SYNE2: variants seen among roughly 807,000 people sequenced by gnomAD.
SYNE2 encodes the protein spectrin repeat containing nuclear envelope protein 2.
SYNE2 carries 431 observed loss-of-function variants against 856.3 expected under a neutral mutation model. The observed-to-expected ratio is 0.50, with a 90% CI of 0.47 to 0.55. The LOEUF is 0.55. SYNE2 is among the 20% of genes least tolerant of loss of function. The pLI is 0.00. For missense variants in SYNE2, 8,129 were observed against 8,023.2 expected (o/e 1.01, Z -0.50); for synonymous variants, 2,923 against 2,872.3 (o/e 1.02, Z -0.56).
chr14:63,792,806 A>G (rs780585700), intron 1 of SYNE2, among the ~76,000 whole-genome samples: 10 of 151,898 alleles, frequency 6.6e-5, no homozygotes, highest in Non-Finnish European at 1.5e-4. Context: ...CAGCCTCCCA[A>G]GTAGCTAGGA....
chr14:64,176,626 G>A (rs1414949816), intron 95 of SYNE2, among the ~76,000 whole-genome samples: 1 of 152,124 alleles, frequency 6.6e-6, no homozygotes, highest in Non-Finnish European at 1.5e-5. Context: ...GAGTGCTTGT[G>A]TTCTGTGGTG....
chr14:63,769,211 C>G (rs1281237689), intron 1 of SYNE2, among the ~76,000 whole-genome samples: 1 of 152,200 alleles, frequency 6.6e-6, no homozygotes, highest in Non-Finnish European at 1.5e-5. Flanking sequence ...GTTCCAGCAT[C>G]TAGAGATAGG....
rs766968942 is a variant in SYNE2, at chr14:63,978,856, A to G, written c.1411A>G (p.Asn471Asp). 6.2e-7 allele frequency: 1 copy of G among 1,612,074 alleles called. No individual in the cohort carries two copies. Among genetic ancestry groups the G allele is most frequent in the South Asian group, 1.1e-5 (1 of 90,940 alleles). Residue 471 changes from asparagine to aspartate, a missense_variant, in exon 14 of 116, where the codon AAC (asparagine) becomes GAC (aspartate). Transcript: ENST00000555002. ...NKLEEMKRRI[N>D]NILEKKFILL... Reference sequence around the variant, plus strand: ...AAAACCTGCACTGTTTTCCAGAATCAACAACATTTTGGAGAAAAAATTTAT... The same window carrying G: ...AAAACCTGCACTGTTTTCCAGAATCGACAACATTTTGGAGAAAAAATTTAT...
Position 63,948,782 on chromosome 14 carries a change from GTATATATATATATATA to G in SYNE2, c.409-1017_409-1002del, listed in dbSNP as rs3062027. 8.7e-3 allele frequency among the ~76,000 whole-genome samples: 383 copies of G among 43,898 alleles called. 13 individuals are homozygous for G. The highest frequency in any genetic ancestry group is 0.022 in the African/African-American group (274 of 12,426). 28.8% of individuals were successfully genotyped at this position (43,898 alleles called of 152,430 possible). On this transcript the variant is annotated intron_variant, in intron 6 of 115. Transcript: ENST00000555002. ...TATGTATATATATGTATGTGTGTGT[GTATATATATATATATA>G]TATATATATATATATATATATATAT... is the stretch of plus-strand genomic sequence containing the variant.
upstream of SYNE2, among the ~76,000 whole-genome samples, chr14:63,848,828 C>A (rs1566605528): frequency 6.6e-6 from 1 of 152,218 alleles, no homozygotes; most frequent in Non-Finnish European, 1.5e-5. Context: ...CACTGCCCAC[C>A]AGGCTCCACG....
intron 99 of SYNE2, among the ~76,000 whole-genome samples, chr14:64,199,807 T>G (rs1035796160): frequency 2.0e-5 from 3 of 152,174 alleles, no homozygotes; most frequent in Non-Finnish European, 4.4e-5. Flanking sequence ...TATAGATGTT[T>G]TATTTTAATA....
intron 1 of SYNE2, among the ~76,000 whole-genome samples, chr14:63,892,142 C>T (rs914919875): frequency 1.3e-5 from 2 of 152,096 alleles, no homozygotes; most frequent in African/African-American, 4.8e-5. Flanking sequence ...AACAATCCTT[C>T]ATCAGTGGGA....
chr14:64,160,904 A>G (rs560563036), intron 87 of SYNE2, among the ~76,000 whole-genome samples: 1 of 152,316 alleles, frequency 6.6e-6, no homozygotes, highest in South Asian at 2.1e-4. Flanking sequence ...TATCTTAACT[A>G]TCCATACTAA....
chr14:64,164,087 C>CTTGCTTAT (rs368903265), intron 89 of SYNE2, among the ~76,000 whole-genome samples: 68 of 137,838 alleles, frequency 4.9e-4, no homozygotes, highest in Middle Eastern at 3.6e-3. Context: ...GCCTGGCTTG[C>CTTGCTTAT]TTATTTATTT....
intron 56 of SYNE2, 80 bp downstream of exon 56, chr14:64,080,718 C>T (rs1336113076): frequency 6.5e-7 from 1 of 1,544,892 alleles, no homozygotes; most frequent in Non-Finnish European, 8.9e-7. Flanking sequence ...TATTCAGAAA[C>T]AGTCAGTTTC....
chr14:64,005,296 C>T (rs1303178260), intron 30 of SYNE2, among the ~76,000 whole-genome samples: 3 of 152,152 alleles, frequency 2.0e-5, no homozygotes, highest in Non-Finnish European at 4.4e-5. Context: ...CATGGGAAGT[C>T]TGGTTTGACC....
chr14:64,143,609 A>C (rs890002393), intron 82 of SYNE2, among the ~76,000 whole-genome samples, 163 bp from the exon 83 acceptor site: 39 of 152,166 alleles, frequency 2.6e-4, no homozygotes, highest in African/African-American at 8.9e-4. Context: ...ACTCCAATAA[A>C]GCCAACTCCT....
intron 1 of SYNE2, among the ~76,000 whole-genome samples, chr14:63,816,136 A>T (rs971295443): frequency 6.6e-6 from 1 of 151,870 alleles, no homozygotes; most frequent in African/African-American, 2.4e-5. Context: ...TTTAGTAGAT[A>T]CGGGGTTTCA....
At chr14:63,966,973 C>T (rs897775838) in intron 10 of SYNE2, among the ~76,000 whole-genome samples, 2 of 152,070 alleles carry the variant, frequency 1.3e-5, no homozygotes, top group African/African-American at 4.8e-5. Flanking sequence ...TCAAGCGATT[C>T]TCCTGCCTCA....
chr14:64,154,425 A>G (rs954623486), intron 85 of SYNE2, among the ~76,000 whole-genome samples: 1 of 152,220 alleles, frequency 6.6e-6, no homozygotes, highest in Non-Finnish European at 1.5e-5. Context: ...CATATATTTG[A>G]TAAGGGACTT....
intron 1 of SYNE2, among the ~76,000 whole-genome samples, chr14:63,862,627 A>G (rs1442150811): frequency 6.6e-6 from 1 of 152,238 alleles, no homozygotes; most frequent in Non-Finnish European, 1.5e-5. Context: ...TTATACTTAT[A>G]GATAATATTC....
Position 63,986,513 on chromosome 14 carries a change from A to G in SYNE2, c.2209A>G (p.Lys737Glu). ...EEFTGQLKVA[K>E]DVEKLIGQVE... The stretch of plus-strand genomic sequence containing the variant: ...ATTCACAGGGCAACTAAAAGTGGCT[A>G]AAGATGTTGAAAAACTCATTGGACA... Residue 737 changes from lysine to glutamate, a missense_variant, in exon 19 of 116, where the codon AAA becomes GAA. Lys to Glu is a moderately conservative substitution (Grantham distance 56, BLOSUM62 1). Coordinates refer to ENST00000555002, the MANE Select transcript of SYNE2 (RefSeq NM_182914.3). 1 of 1,614,180 alleles carries G rather than the reference A, an allele frequency of 6.2e-7. No homozygotes were observed. Among genetic ancestry groups the G allele is most frequent in the Non-Finnish European group, 8.5e-7 (1 of 1,180,004 alleles).
intron 2 of SYNE2, among the ~76,000 whole-genome samples, chr14:63,925,727 T>G (rs1238330357): frequency 6.6e-6 from 1 of 152,238 alleles, no homozygotes; most frequent in Non-Finnish European, 1.5e-5. Context: ...TTCAGTTGTT[T>G]TAATTTTTAG....
chr14:63,831,142 G>A (rs755384659), intron 1 of SYNE2, among the ~76,000 whole-genome samples: 2 of 151,806 alleles, frequency 1.3e-5, no homozygotes, highest in African/African-American at 2.4e-5. Context: ...GCACCCAGCC[G>A]ATCTCTTTAT....
Sources: gnomAD v4.1 joint callset for allele counts (sites outside exome capture counted in the v4.1 genomes callset) on GRCh38, gnomAD v4.1.1 for gene constraint, MANE v1.5 for transcripts, NCBI Gene and HGNC (gene_info 2026-07-23, HGNC 2026-07-21) for gene names.